Variants in ANKS1B observed in about 807,000 individuals in gnomAD.
The protein encoded by ANKS1B is ankyrin repeat and sterile alpha motif domain-containing protein 1B.
Under a neutral mutation model 148.3 loss-of-function variants are expected in ANKS1B, and 36 were observed. The ratio of observed to expected loss-of-function variants is 0.24; its 90% CI spans 0.19 to 0.32. The LOEUF is 0.32. ANKS1B is among the 10% of genes least tolerant of loss of function. ANKS1B has a pLI of 1.00. For missense variants in ANKS1B, 1,157 were observed against 1,542.6 expected, an observed-to-expected ratio of 0.75 and a Z score of 4.19; for synonymous variants, 542 against 560.8, an observed-to-expected ratio of 0.97 and a Z score of 0.47.
chr12:99,771,826 G>C (rs2063224246), intron 8 of ANKS1B, among the ~76,000 whole-genome samples: 2 of 152,204 alleles, frequency 1.3e-5, no homozygotes, highest in South Asian at 2.1e-4. Flanking sequence ...CATGGAACTA[G>C]ATTAGCAAGT....
chr12:99,244,399 T>A lies in ANKS1B; in HGVS notation c.2362A>T (p.Ser788Cys). ...TTGTTGATTCCAACATCTATGGAAC[T>A]CATTATTTTGTCAATCTGTAAGAAA... ...SEWEEIDKIM[S>C]SIDVGINNEL... The change falls in exon 14 of 27, where the codon AGT becomes TGT. Residue 788 changes from serine to cysteine, a missense_variant. By Grantham distance (112) the Ser-to-Cys change is moderately radical. Coordinates refer to ENST00000683438, the MANE Select transcript of ANKS1B (RefSeq NM_001352186.2). The A allele has an allele frequency of 1.2e-6, 2 of 1,604,970 alleles. No homozygotes were observed. Among genetic ancestry groups the A allele is most frequent in the Non-Finnish European group, 8.5e-7 (1 of 1,176,548 alleles).
At chr12:99,394,235 G>A (rs986813494) in intron 12 of ANKS1B, among the ~76,000 whole-genome samples, 2 of 152,086 alleles carry the variant, frequency 1.3e-5, no homozygotes, top group Non-Finnish European at 2.9e-5. Context: ...AAAACTATCA[G>A]AACAGATCTT....
intron 12 of ANKS1B, among the ~76,000 whole-genome samples, chr12:99,264,270 G>A (rs553938342): frequency 1.2e-4 from 18 of 151,922 alleles, no homozygotes; most frequent in East Asian, 7.7e-4. Context: ...TACACTTTTC[G>A]TTCTAAAATT....
intron 14 of ANKS1B, among the ~76,000 whole-genome samples, chr12:99,213,997 A>G (rs1241017949): frequency 6.6e-6 from 1 of 152,216 alleles, no homozygotes; most frequent in African/African-American, 2.4e-5. Flanking sequence ...TTGGGCCTCA[A>G]TGACCGAGCG....
chr12:99,191,098 G>T (rs1187383279), intron 14 of ANKS1B, among the ~76,000 whole-genome samples: 6 of 152,002 alleles, frequency 3.9e-5, no homozygotes, highest in South Asian at 4.2e-4. Flanking sequence ...ATGAAAAAAA[G>T]CTATAATCAC....
intron 17 of ANKS1B, among the ~76,000 whole-genome samples, chr12:99,021,995 C>T (rs932612339): frequency 2.0e-5 from 3 of 152,102 alleles, no homozygotes; most frequent in Admixed American, 6.6e-5. Flanking sequence ...AAATATCCAA[C>T]CTTCAATGTC....
intron 3 of ANKS1B, among the ~76,000 whole-genome samples, chr12:99,810,233 G>A (rs1393761353): frequency 1.3e-5 from 2 of 151,884 alleles, no homozygotes; most frequent in African/African-American, 2.4e-5. Flanking sequence ...TCAATTCAGA[G>A]GATTATTGTG....
chr12:98,826,001 T>C (rs1044186629), intron 19 of ANKS1B, among the ~76,000 whole-genome samples: 6 of 152,210 alleles, frequency 3.9e-5, no homozygotes, highest in African/African-American at 1.4e-4. Flanking sequence ...TAATTACACA[T>C]ATGTGAATGC....
At chr12:99,835,487 A>G (rs956842150) in intron 1 of ANKS1B, among the ~76,000 whole-genome samples, 4 of 152,166 alleles carry the variant, frequency 2.6e-5, no homozygotes, top group African/African-American at 4.8e-5. Context: ...TAAATTTTCT[A>G]GTAGCCACAT....
intron 1 of ANKS1B, among the ~76,000 whole-genome samples, chr12:99,983,297 T>A (rs769981325): frequency 2.0e-5 from 3 of 152,202 alleles, no homozygotes; most frequent in Admixed American, 2.0e-4. Context: ...TTCTCAAGTA[T>A]GGAAATCAAC....
At chr12:99,585,323 C>A (rs2097621046) in intron 9 of ANKS1B, among the ~76,000 whole-genome samples, 1 of 152,156 alleles carries the variant, frequency 6.6e-6, no homozygotes, top group Admixed American at 6.5e-5. Context: ...CGCCATGTCT[C>A]ACATCCAGGG....
intron 8 of ANKS1B, among the ~76,000 whole-genome samples, chr12:99,717,299 T>A (rs1331728142): frequency 6.6e-6 from 1 of 152,138 alleles, no homozygotes; most frequent in Non-Finnish European, 1.5e-5. Context: ...TGTACAATAA[T>A]AGGGTAGAGG....
In ANKS1B at chr12:99,191,477, A is replaced by G. The variant is rs185878843; in HGVS notation, c.2420-37082T>C. Among the ~76,000 whole-genome samples the G allele has an allele frequency of 5.3e-3, 803 of 152,358 alleles. 8 individuals carry two copies. The highest frequency in any genetic ancestry group is 0.018 in the African/African-American group (728 of 41,580). On this transcript the variant is annotated intron_variant, in intron 14 of 26. Transcript: ENST00000683438. ...CCATCAATGATAGACTGGATAAAGA[A>G]AATGTGGCACATATACACCATGTAA...
intron 9 of ANKS1B, among the ~76,000 whole-genome samples, chr12:99,619,220 T>C (rs1393268139): frequency 1.3e-5 from 2 of 151,572 alleles, no homozygotes; most frequent in African/African-American, 4.9e-5. Context: ...TCATGATGCA[T>C]CAGGACCCTC....
intron 17 of ANKS1B, among the ~76,000 whole-genome samples, chr12:99,012,047 G>A (rs1025314993): frequency 6.6e-6 from 1 of 152,148 alleles, no homozygotes; most frequent in Non-Finnish European, 1.5e-5. Flanking sequence ...TCAGGTACGT[G>A]CATGTCTGTT....
intron 9 of ANKS1B, among the ~76,000 whole-genome samples, chr12:99,561,146 G>A (rs1478650215): frequency 1.3e-5 from 2 of 151,948 alleles, no homozygotes; most frequent in African/African-American, 2.4e-5. Flanking sequence ...GCGCCCGGCC[G>A]GCAATTTCTT....
chr12:99,592,834 A>G (rs2097716894), intron 9 of ANKS1B, among the ~76,000 whole-genome samples: 1 of 152,142 alleles, frequency 6.6e-6, no homozygotes, highest in African/African-American at 2.4e-5. Context: ...CAAAAAACAC[A>G]TCAGTCACAT....
intron 17 of ANKS1B, among the ~76,000 whole-genome samples, chr12:98,858,024 C>T (rs1370038172): frequency 6.6e-6 from 1 of 152,126 alleles, no homozygotes; most frequent in Non-Finnish European, 1.5e-5. Context: ...TATAGTTATA[C>T]TTTTAGTTTT....
chr12:99,652,559 A>C (rs1287735014), intron 9 of ANKS1B, among the ~76,000 whole-genome samples: 7 of 152,158 alleles, frequency 4.6e-5, no homozygotes, highest in Non-Finnish European at 1.0e-4. Flanking sequence ...TTAAAAAAAA[A>C]CACCCAAAAC....
Sources: gnomAD v4.1 joint callset for allele counts (sites outside exome capture counted in the v4.1 genomes callset) on GRCh38, gnomAD v4.1.1 for gene constraint, MANE v1.5 for transcripts, NCBI Gene and HGNC (gene_info 2026-07-23, HGNC 2026-07-21) for gene names.